The following CALCR variants were observed in gnomAD, a reference collection of about 807,000 sequenced individuals.
CALCR encodes the protein calcitonin receptor.
A neutral mutation model predicts 59.5 loss-of-function variants in CALCR; 47 were observed. The ratio of observed to expected loss-of-function variants is 0.79; its 90% CI spans 0.63 to 1.01. The LOEUF is 1.01. Ranked by LOEUF, CALCR falls within the 50% of genes least tolerant of loss-of-function variation. The pLI is 0.00. For synonymous variants in CALCR, 213 were observed against 211.3 expected (o/e 1.01, Z -0.07); for missense variants, 566 against 597.1 (o/e 0.95, Z 0.54).
At chr7:93,516,280 C>T (rs1801648963) in intron 2 of CALCR, among the ~76,000 whole-genome samples, 1 of 151,920 alleles carries the variant, frequency 6.6e-6, no homozygotes. Flanking sequence ...AACCAGAATG[C>T]CCCACTAGGA....
At chr7:93,427,087 G>T (rs1799546403) in intron 13 of CALCR, among the ~76,000 whole-genome samples, 1 of 152,198 alleles carries the variant, frequency 6.6e-6, no homozygotes. Context: ...GATGGGTTAT[G>T]CCAGATACAT....
intron 2 of CALCR, among the ~76,000 whole-genome samples, chr7:93,525,042 A>G (rs1480061175): frequency 6.6e-6 from 1 of 152,188 alleles, no homozygotes; most frequent in Non-Finnish European, 1.5e-5. Flanking sequence ...ATACTTCATA[A>G]TTATAATTAT....
intron 2 of CALCR, among the ~76,000 whole-genome samples, chr7:93,498,143 C>T (rs1041129922): frequency 1.3e-5 from 2 of 151,564 alleles, no homozygotes; most frequent in Non-Finnish European, 3.0e-5. Context: ...TAAAATGAAG[C>T]AATGATGTAT....
At chr7:93,486,283 G>A (rs922602611) in intron 3 of CALCR, among the ~76,000 whole-genome samples, 2 of 151,574 alleles carry the variant, frequency 1.3e-5, no homozygotes, top group Non-Finnish European at 3.0e-5. Context: ...ACAAATAATA[G>A]GCATTGATAG....
At position 93,425,498 on chromosome 7, in the gene CALCR, T is replaced by C. The variant is rs1463394704; in HGVS notation, c.*858A>G. ...AATTTGCTTTATAAATCCTGGAGTT[T>C]AGGGGAGTGGCAAACTCTCTTTAAA... is the stretch of plus-strand genomic sequence containing the variant. On this transcript the variant is annotated 3_prime_UTR_variant, in exon 14 of 14. Transcript: ENST00000426151. 2 of 150,972 alleles carry C rather than the reference T, an allele frequency of 1.3e-5. No individual in the cohort carries two copies. Among genetic ancestry groups the C allele is most frequent in the Admixed American group, 6.6e-5 (1 of 15,048 alleles). The allele number at this position is 150,972 out of a possible 1,614,324, so 9.4% of individuals were successfully genotyped here.
At chr7:93,517,317 A>ACTTTTTTTTT (rs1191258842) in intron 2 of CALCR, among the ~76,000 whole-genome samples, 3 of 127,862 alleles carry the variant, frequency 2.3e-5, no homozygotes, top group South Asian at 5.2e-4. Flanking sequence ...TTTTTTTTTA[A>ACTTTTTTTTT]TTTGCTAGCC....
intron 2 of CALCR, among the ~76,000 whole-genome samples, chr7:93,539,811 T>A (rs1486683545): frequency 6.6e-6 from 1 of 152,168 alleles, no homozygotes; most frequent in South Asian, 2.1e-4. Context: ...GATGCAATTC[T>A]AGAGAGTAAG....
intron 11 of CALCR, 143 bp from the exon 12 acceptor site, chr7:93,436,313 T>C (rs988421489): frequency 2.4e-5 from 16 of 665,866 alleles, no homozygotes; most frequent in Non-Finnish European, 2.6e-5. Context: ...GGTAGCACAA[T>C]TGGCTCAGCA....
intron 7 of CALCR, among the ~76,000 whole-genome samples, chr7:93,465,983 T>C (rs1204116768): frequency 6.6e-6 from 1 of 151,828 alleles, no homozygotes. Context: ...TCCTCCTTTT[T>C]ATGAGACACA....
intron 2 of CALCR, among the ~76,000 whole-genome samples, chr7:93,495,029 G>A (rs1801168357): frequency 6.6e-6 from 1 of 151,336 alleles, no homozygotes; most frequent in African/African-American, 2.4e-5. Flanking sequence ...AAACAGGCAA[G>A]ATTCCAGGTG....
chr7:93,450,350 A>T (rs1043878452), intron 8 of CALCR, among the ~76,000 whole-genome samples: 1 of 151,978 alleles, frequency 6.6e-6, no homozygotes, highest in East Asian at 1.9e-4. Context: ...CTGTTAGATC[A>T]TCTTTTCATT....
At chr7:93,564,250 T>G (rs1021831431) in intron 2 of CALCR, among the ~76,000 whole-genome samples, 10 of 151,322 alleles carry the variant, frequency 6.6e-5, no homozygotes, top group African/African-American at 1.2e-4. Context: ...GGTGAATGTG[T>G]GGGGGGGGAC....
chr7:93,548,412 C>G (rs575539336), intron 2 of CALCR, among the ~76,000 whole-genome samples: 5 of 152,220 alleles, frequency 3.3e-5, no homozygotes, highest in Non-Finnish European at 7.4e-5. Flanking sequence ...AGTTGTTAAG[C>G]TGAAAAATTA....
Position 93,436,144 on chromosome 7 carries a change from A to G in CALCR, c.957T>C (p.Ile319=), listed in dbSNP as rs113723720. 5.2e-5 allele frequency: 84 copies of G among 1,614,104 alleles called. No individual in the cohort carries two copies. The African/African-American group carries it at 1.1e-3, about 21-fold the overall frequency. The change falls in exon 12 of 14, where the codon ATT becomes ATC. Residue 319 remains isoleucine (I), a synonymous_variant. Transcript: ENST00000426151. ...LVVNFFFLLN[I]VRVLVTKMRE... ...TCATTTTGGTCACAAGCACCCGGACAATGTTGAGCAAAAAGAAGAAATTGA... is the reference window on the plus strand; with the variant it reads ...TCATTTTGGTCACAAGCACCCGGACGATGTTGAGCAAAAAGAAGAAATTGA...
At chr7:93,544,124 C>A (rs1789220019) in intron 2 of CALCR, among the ~76,000 whole-genome samples, 1 of 151,572 alleles carries the variant, frequency 6.6e-6, no homozygotes, top group South Asian at 2.1e-4. Flanking sequence ...GAGATAGTAA[C>A]TTTTAATTTT....
chr7:93,495,574 A>T (rs977544063), intron 2 of CALCR, among the ~76,000 whole-genome samples: 29 of 151,468 alleles, frequency 1.9e-4, no homozygotes, highest in African/African-American at 6.3e-4. Context: ...AAAGAGTTTC[A>T]CTTTTATACC....
At chr7:93,556,108 A>G (rs758691776) in intron 2 of CALCR, among the ~76,000 whole-genome samples, 6 of 152,218 alleles carry the variant, frequency 3.9e-5, no homozygotes, top group South Asian at 4.1e-4. Context: ...TCCTTAAGTC[A>G]TCAAGATACT....
intron 3 of CALCR, among the ~76,000 whole-genome samples, 200 bp from the exon 4 acceptor site, chr7:93,479,707 A>T (rs935153588): frequency 1.3e-5 from 2 of 151,810 alleles, no homozygotes; most frequent in Non-Finnish European, 2.9e-5. Context: ...GGCACATTTT[A>T]CATTTGCATT....
Position 93,460,964 on chromosome 7 carries a change from C to T in CALCR, c.522-17G>A. 1 of 1,601,090 alleles carries T rather than the reference C, an allele frequency of 6.2e-7. No individual in the cohort carries two copies. Among genetic ancestry groups the T allele is most frequent in the Non-Finnish European group, 8.5e-7 (1 of 1,174,716 alleles). On this transcript the variant is annotated splice_polypyrimidine_tract_variant and intron_variant, in intron 7 of 13. Transcript: ENST00000426151. ...CCAAGGCTCCTGGAAGAAAAAGTAA[C>T]ATAAAGCATTAACCAGTGCCAAAAT... is the stretch of plus-strand genomic sequence containing the variant.
Sources: allele counts gnomAD v4.1 joint callset (sites outside exome capture counted in the v4.1 genomes callset), GRCh38; gene constraint gnomAD v4.1.1; transcripts MANE v1.5; gene names NCBI Gene and HGNC (gene_info 2026-07-23, HGNC 2026-07-21).